Variants in SORBS2 observed in about 807,000 individuals in gnomAD.
SORBS2 encodes the protein sorbin and SH3 domain-containing protein 2.
A neutral mutation model predicts 97.7 loss-of-function variants in SORBS2; 46 were observed. The observed-to-expected ratio is 0.47, with a 90% CI of 0.37 to 0.60. The LOEUF is 0.60. Ranked by LOEUF, SORBS2 falls within the 20% of genes least tolerant of loss-of-function variation. The pLI is 0.00. For missense variants in SORBS2, 1,316 were observed against 1,282.3 expected (o/e 1.03, Z -0.40); for synonymous variants, 476 against 473.4 (o/e 1.01, Z -0.07).
At chr4:185,626,411 A>G (rs1357875661) in intron 6 of SORBS2, among the ~76,000 whole-genome samples, 1 of 152,222 alleles carries the variant, frequency 6.6e-6, no homozygotes, top group African/African-American at 2.4e-5. Context: ...CCTCCAAACC[A>G]ATGTATATTT....
intron 4 of SORBS2, among the ~76,000 whole-genome samples, chr4:185,676,268 G>T (rs765746368): frequency 6.6e-5 from 10 of 152,180 alleles, no homozygotes; most frequent in Non-Finnish European, 1.0e-4. Context: ...CATAGTAAAT[G>T]ATGCCTGGAT....
intron 4 of SORBS2, among the ~76,000 whole-genome samples, chr4:185,669,944 C>G (rs886832770): frequency 6.6e-6 from 1 of 152,236 alleles, no homozygotes; most frequent in African/African-American, 2.4e-5. Flanking sequence ...ATAGGGCAAG[C>G]GCAGTGGCTC....
intron 1 of SORBS2, among the ~76,000 whole-genome samples, chr4:185,864,271 A>C (rs1283023156): frequency 6.6e-6 from 1 of 152,230 alleles, no homozygotes; most frequent in African/African-American, 2.4e-5. Context: ...AAAGAATATC[A>C]CATTGAATTT....
intron 3 of SORBS2, among the ~76,000 whole-genome samples, chr4:185,647,568 A>G (rs765204102): frequency 2.1e-4 from 32 of 151,860 alleles, no homozygotes; most frequent in Non-Finnish European, 3.8e-4. Flanking sequence ...AGGAGGAAGG[A>G]TTTTCTGACT....
At chr4:185,592,728 T>C (rs1561277002) in intron 13 of SORBS2, 1 of 152,242 alleles carries the variant, frequency 6.6e-6, no homozygotes, top group Admixed American at 6.5e-5. Context: ...ACTAATTTTT[T>C]ATTTTTATTT....
chr4:185,782,098 A>G (rs1311504562), intron 1 of SORBS2, among the ~76,000 whole-genome samples: 1 of 152,262 alleles, frequency 6.6e-6, no homozygotes, highest in African/African-American at 2.4e-5. Context: ...TAAATGATTA[A>G]ATAAGTTCTG....
At chr4:185,677,103 T>C in intron 4 of SORBS2, 1 of 1,551,656 alleles carries the variant, frequency 6.4e-7, no homozygotes, top group Non-Finnish European at 8.7e-7. Context: ...TAGCTGTTTG[T>C]GGCTTTCAAG....
At chr4:185,636,136 G>A (rs892397123) in intron 4 of SORBS2, among the ~76,000 whole-genome samples, 1 of 152,172 alleles carries the variant, frequency 6.6e-6, no homozygotes, top group Non-Finnish European at 1.5e-5. Context: ...TGGGATTACA[G>A]GTGTGAGTCA....
intron 2 of SORBS2, among the ~76,000 whole-genome samples, chr4:185,752,624 T>A (rs962828686): frequency 6.6e-6 from 1 of 152,138 alleles, no homozygotes; most frequent in Non-Finnish European, 1.5e-5. Context: ...ACCCTTTTCT[T>A]AAAAAACTGA....
intron 1 of SORBS2, among the ~76,000 whole-genome samples, chr4:185,879,125 A>T (rs1427644742): frequency 1.4e-5 from 2 of 141,836 alleles, no homozygotes; most frequent in South Asian, 2.2e-4. Context: ...GCACCCATTA[A>T]CTCGCCATTT....
At chr4:185,695,805 T>G (rs1463188437) in intron 2 of SORBS2, among the ~76,000 whole-genome samples, 3 of 152,246 alleles carry the variant, frequency 2.0e-5, no homozygotes, top group Non-Finnish European at 4.4e-5. Flanking sequence ...GTCAACATGC[T>G]GCTTTGAAAT....
At chr4:185,797,637 T>C (rs2099111299) in intron 1 of SORBS2, among the ~76,000 whole-genome samples, 2 of 152,202 alleles carry the variant, frequency 1.3e-5, no homozygotes, top group Non-Finnish European at 2.9e-5. Context: ...ATGTAAGTGC[T>C]ATTATCTCTT....
At chr4:185,853,757 A>AT (rs200641406) in intron 1 of SORBS2, among the ~76,000 whole-genome samples, 1,606 of 152,222 alleles carry the variant, frequency 0.011, 38 homozygotes, top group African/African-American at 0.037. Context: ...TTCCAAAATA[A>AT]TTTTTTTAAA....
At position 185,844,426 on chromosome 4, in the gene SORBS2, G is replaced by A. The variant is rs908740184; in HGVS notation, c.-337-69060C>T. Among the ~76,000 whole-genome samples the A allele has an allele frequency of 2.7e-5, 4 of 150,400 alleles. No homozygotes were observed. In the South Asian group the frequency reaches 8.4e-4, roughly 32 times the overall value. On this transcript the variant is annotated intron_variant, in intron 1 of 20. Transcript: ENST00000284776. ...ATAAGAGAGCACTTCACACCCATGA[G>A]AATGACAATAACAACAACAACAGCA...
chr4:185,953,304 ACT>A (rs367938624), intron 1 of SORBS2, among the ~76,000 whole-genome samples: 40 of 152,140 alleles, frequency 2.6e-4, no homozygotes, highest in African/African-American at 9.6e-4. Context: ...ACAGAATGAG[ACT>A]CTGTCTCAAA....
intron 2 of SORBS2, among the ~76,000 whole-genome samples, chr4:185,763,439 C>T (rs560331659): frequency 1.3e-5 from 2 of 152,214 alleles, no homozygotes; most frequent in Admixed American, 6.5e-5. Context: ...CCCGACCCCC[C>T]ACCTCATCAC....
intron 4 of SORBS2, among the ~76,000 whole-genome samples, chr4:185,674,843 G>T (rs2097769701): frequency 6.6e-6 from 1 of 152,114 alleles, no homozygotes; most frequent in African/African-American, 2.4e-5. Flanking sequence ...TATTGATATT[G>T]AGTTACCATA....
chr4:185,852,194 G>A (rs1341025636), intron 1 of SORBS2, among the ~76,000 whole-genome samples: 1 of 152,132 alleles, frequency 6.6e-6, no homozygotes, highest in Non-Finnish European at 1.5e-5. Context: ...CTCTAAAACT[G>A]TAAATTCGGC....
chr4:185,785,108 T>TG (rs2099049825), intron 1 of SORBS2, among the ~76,000 whole-genome samples: 1 of 151,960 alleles, frequency 6.6e-6, no homozygotes, highest in Non-Finnish European at 1.5e-5. Context: ...GTTGCTTCGA[T>TG]GGAGTTTAGG....
Sources: allele counts gnomAD v4.1 joint callset (sites outside exome capture counted in the v4.1 genomes callset), GRCh38; gene constraint gnomAD v4.1.1; transcripts MANE v1.5; gene names NCBI Gene and HGNC (gene_info 2026-07-23, HGNC 2026-07-21).